IPPK: variants seen among roughly 807,000 people sequenced by gnomAD.
The protein encoded by IPPK is IPK1 homolog.
In IPPK, 22 loss-of-function variants were observed where a neutral mutation model predicts 64.6. The observed-to-expected ratio is 0.34, with a 90% CI of 0.24 to 0.49. The LOEUF is 0.49. Among genes scored for constraint, IPPK ranks in the 20% least tolerant of loss-of-function variants. IPPK has a pLI of 0.99. For missense variants in IPPK, 532 were observed against 630.7 expected (o/e 0.84, Z 1.68); for synonymous variants, 262 against 247.2 (o/e 1.06, Z -0.56).
At position 92,640,701 on chromosome 9, in the gene IPPK, A is replaced by G; in HGVS notation, c.636+9T>C. On this transcript the variant is annotated intron_variant, in intron 8 of 12. Transcript: ENST00000287996. The stretch of plus-strand genomic sequence containing the variant: ...CCTGAAACCACCATAGAATCAAAGC[A>G]GCTCTTACCTTAAATATCTTCAAGT... 1.3e-6 allele frequency: 2 copies of G among 1,593,444 alleles called. No homozygotes were observed. Among genetic ancestry groups the G allele is most frequent in the South Asian group, 2.2e-5 (2 of 90,670 alleles).
chr9:92,662,210 C>T (rs1412627530), intron 1 of IPPK, among the ~76,000 whole-genome samples: 2 of 152,120 alleles, frequency 1.3e-5, no homozygotes, highest in Admixed American at 6.5e-5. Flanking sequence ...TTCTTCTTAA[C>T]GTCTAGAATA....
intron 11 of IPPK, 47 bp from the exon 12 acceptor site, chr9:92,619,612 GC>G (rs540889300): frequency 7.4e-6 from 11 of 1,482,714 alleles, no homozygotes; most frequent in Non-Finnish European, 7.4e-6. Flanking sequence ...GGAAGCCTCT[GC>G]CCCCCCACAC....
In IPPK at chr9:92,613,643, G is replaced by C. The variant is rs1381073406; in HGVS notation, c.*2189C>G. The C allele has an allele frequency of 6.2e-6, 1 of 160,448 alleles. No individual in the cohort carries two copies. The highest frequency in any genetic ancestry group is 1.4e-5 in the Non-Finnish European group (1 of 72,474). The allele number at this position is 160,448 out of a possible 1,614,324, so 9.9% of individuals were successfully genotyped here. A position where few individuals can be genotyped will look rare whatever the true frequency, so the allele number is the denominator to read the frequency against. On this transcript the variant is annotated 3_prime_UTR_variant, in exon 13 of 13. Transcript: ENST00000287996. ...CCTGCCTCCCCCCGGTCCGCATGGT[G>C]GCACCGTGAGGCAGTCTCAGCAAGT...
At chr9:92,637,722 A>G (rs913402772) in intron 9 of IPPK, among the ~76,000 whole-genome samples, 4 of 152,266 alleles carry the variant, frequency 2.6e-5, no homozygotes, top group African/African-American at 9.6e-5. Flanking sequence ...AACATTCAAC[A>G]AACCAGAGAG....
Position 92,640,922 on chromosome 9 carries a change from C to A in IPPK, c.564-140G>T, listed in dbSNP as rs1852033869. ...AACCCAGAGTCCAACTAGGTCCAAA[C>A]AGTGACATTCTCCCCTCACTACAGC... On this transcript the variant is annotated intron_variant, in intron 7 of 12. Transcript: ENST00000287996. 4 of 681,852 alleles carry A rather than the reference C, an allele frequency of 5.9e-6. No homozygotes were observed. The East Asian group carries it at 1.1e-4, about 18-fold the overall frequency. The allele number at this position is 681,852 out of a possible 1,614,324, so 42.2% of individuals were successfully genotyped here. A position where few individuals can be genotyped will look rare whatever the true frequency, so the allele number is the denominator to read the frequency against.
intron 7 of IPPK, among the ~76,000 whole-genome samples, chr9:92,642,392 T>C (rs936543298): frequency 4.6e-5 from 7 of 152,152 alleles, no homozygotes; most frequent in African/African-American, 1.7e-4. Context: ...CTTTTTAATA[T>C]CCACAGAGGA....
At chr9:92,657,060 A>G (rs1348905687) in intron 2 of IPPK, among the ~76,000 whole-genome samples, 1 of 152,184 alleles carries the variant, frequency 6.6e-6, no homozygotes, top group East Asian at 1.9e-4. Flanking sequence ...TCTGACAAAA[A>G]AAACCCTGGC....
intron 12 of IPPK, chr9:92,616,411 T>TC (rs1251048198): frequency 5.0e-6 from 1 of 199,146 alleles, no homozygotes; most frequent in African/African-American, 2.3e-5. Flanking sequence ...TGAGCGATGT[T>TC]CCCCCAGCCC....
chr9:92,632,750 G>A (rs1851868116), intron 11 of IPPK, among the ~76,000 whole-genome samples: 1 of 152,206 alleles, frequency 6.6e-6, no homozygotes, highest in African/African-American at 2.4e-5. Flanking sequence ...AGCCTCACCT[G>A]AGGCTTTACC....
intron 1 of IPPK, among the ~76,000 whole-genome samples, chr9:92,663,008 G>T (rs1245491872): frequency 6.6e-6 from 1 of 152,162 alleles, no homozygotes; most frequent in African/African-American, 2.4e-5. Context: ...CCACAAGGAT[G>T]TCCAACGCAA....
At chr9:92,637,472 A>G (rs1386535243) in intron 9 of IPPK, among the ~76,000 whole-genome samples, 5 of 152,192 alleles carry the variant, frequency 3.3e-5, no homozygotes, top group Admixed American at 6.5e-5. Flanking sequence ...TCAGCTCATG[A>G]GATGTCAGGA....
rs765203026 is a variant in IPPK at position 92,635,333 on chromosome 9, G to A, written c.917-25C>T. The A allele has an allele frequency of 6.9e-6, 11 of 1,600,494 alleles. No individual in the cohort carries two copies. The highest frequency in any genetic ancestry group is 2.2e-5 in the East Asian group (1 of 44,740). ...CCTACCGAGAACATCAGGGGAAAAC[G>A]AGAGCATGTTGATTATCAAAGAACG... On this transcript the variant is annotated intron_variant, in intron 9 of 12. Coordinates refer to ENST00000287996, the MANE Select transcript of IPPK (RefSeq NM_022755.6). This position sits in a 1 kb window ranked among gnomAD's most constrained non-coding sequence, Gnocchi z 4.4.
rs58003734 is a variant in IPPK at position 92,621,507 on chromosome 9, CTTTTTTTTTT to C, written c.1171-1952_1171-1943del. On this transcript the variant is annotated intron_variant, in intron 11 of 12. Coordinates refer to ENST00000287996, the MANE Select transcript of IPPK (RefSeq NM_022755.6). Reference sequence around the variant, plus strand: ...ATTTAAGTCAGAAATAATACCATTCCTTTTTTTTTTTTTTTTTTTTTTTTGAGACAGGGTC... The same window carrying C: ...ATTTAAGTCAGAAATAATACCATTCCTTTTTTTTTTTTTTGAGACAGGGTC... 6.1e-4 allele frequency among the ~76,000 whole-genome samples: 54 copies of C among 87,816 alleles called. 1 individual carries two copies. Among genetic ancestry groups the C allele is most frequent in the African/African-American group, 2.6e-3 (52 of 19,712 alleles). 57.6% of individuals were successfully genotyped at this position (87,816 alleles called of 152,430 possible). A position where few individuals can be genotyped will look rare whatever the true frequency, so the allele number is the denominator to read the frequency against.
At chr9:92,661,482 G>A (rs916083518) in intron 1 of IPPK, among the ~76,000 whole-genome samples, 1 of 152,158 alleles carries the variant, frequency 6.6e-6, no homozygotes, top group Non-Finnish European at 1.5e-5. Flanking sequence ...CCTGGGCAGA[G>A]AAGCCCAAAG....
rs865921156 is a variant in IPPK, at chr9:92,658,533, T to C, written c.129+101A>G. 5.5e-5 allele frequency: 55 copies of C among 994,834 alleles called. No individual in the cohort carries two copies. In the Middle Eastern group the frequency reaches 1.5e-3, roughly 27 times the overall value. The allele number at this position is 994,834 out of a possible 1,614,324, so 61.6% of individuals were successfully genotyped here. On this transcript the variant is annotated intron_variant, in intron 2 of 12. Transcript: ENST00000287996. ...TCTGCACTGAATGCTTGTATCATCTTTGAATGCTACAACTAGCATCAATGT... is the reference window on the plus strand; with the variant it reads ...TCTGCACTGAATGCTTGTATCATCTCTGAATGCTACAACTAGCATCAATGT...
In IPPK at chr9:92,624,913, AAAAAC is replaced by A. The variant is rs1267052763; in HGVS notation, c.1171-5353_1171-5349del. 2.0e-5 allele frequency among the ~76,000 whole-genome samples: 3 copies of A among 152,184 alleles called. No individual in the cohort carries two copies. In the South Asian group the frequency reaches 6.2e-4, roughly 32 times the overall value. On this transcript the variant is annotated intron_variant, in intron 11 of 12. Transcript: ENST00000287996. ...TAAATATTACACAGAGCTAAAAAAA[AAAAAC>A]AAACAGGAGACATGAATATATACAG...
intron 2 of IPPK, among the ~76,000 whole-genome samples, chr9:92,657,027 C>T (rs1852386499): frequency 6.6e-6 from 1 of 152,048 alleles, no homozygotes; most frequent in African/African-American, 2.4e-5. Context: ...CCTCAATGGC[C>T]CAGTACAGCT....
At chr9:92,624,948 A>G (rs1403488756) in intron 11 of IPPK, among the ~76,000 whole-genome samples, 2 of 152,090 alleles carry the variant, frequency 1.3e-5, no homozygotes, top group African/African-American at 4.8e-5. Context: ...ATACAGCATG[A>G]TCTCGTAAGT....
intron 1 of IPPK, among the ~76,000 whole-genome samples, chr9:92,669,700 C>T (rs999389923): frequency 5.9e-5 from 9 of 151,458 alleles, no homozygotes; most frequent in African/African-American, 2.2e-4. Context: ...GGAGACTGAC[C>T]CAGTAGAGAG....
Sources: gnomAD v4.1 joint callset for allele counts (sites outside exome capture counted in the v4.1 genomes callset) on GRCh38, gnomAD v4.1.1 for gene constraint, Gnocchi (gnomAD v3.1) non-coding constraint, MANE v1.5 for transcripts, NCBI Gene and HGNC (gene_info 2026-07-23, HGNC 2026-07-21) for gene names.